Variants in DOCK6 observed in about 807,000 individuals in gnomAD.
DOCK6 encodes the protein dedicator of cytokinesis 6, also known as dedicator of cytokinesis protein 6.
Under a neutral mutation model 230.3 loss-of-function variants are expected in DOCK6, and 167 were observed. That is an observed-to-expected ratio of 0.73 (90% CI 0.64 to 0.82). DOCK6 has a LOEUF of 0.82. Ranked by LOEUF, DOCK6 falls within the 40% of genes least tolerant of loss-of-function variation. The pLI, the probability that DOCK6 is intolerant of heterozygous loss-of-function variation, is 0.00. For synonymous variants in DOCK6, 1,148 were observed against 1,185.0 expected (o/e 0.97, Z 0.64); for missense variants, 2,598 against 2,825.8 (o/e 0.92, Z 1.83).
chr19:11,222,334 GA>G lies in DOCK6; in HGVS notation c.3241-87del. 1 of 1,493,632 alleles carries G rather than the reference GA, an allele frequency of 6.7e-7. No homozygotes were observed. The highest frequency in any genetic ancestry group is 9.0e-7 in the Non-Finnish European group (1 of 1,105,682). 92.5% of individuals were successfully genotyped at this position (1,493,632 alleles called of 1,614,324 possible). ...CATTAAAGCCATCTTGGAGGTGACA[GA>G]AATCATGGTGCCAATAGCCACAGAT... On this transcript the variant is annotated intron_variant, in intron 26 of 47. Coordinates refer to ENST00000294618, the MANE Select transcript of DOCK6 (RefSeq NM_020812.4). This position sits in a 1 kb window ranked among gnomAD's most constrained non-coding sequence, Gnocchi z 4.0.
intron 24 of DOCK6, among the ~76,000 whole-genome samples, 176 bp from the exon 25 acceptor site, chr19:11,223,282 T>G (rs988403987): frequency 2.6e-5 from 4 of 152,074 alleles, no homozygotes; most frequent in African/African-American, 9.7e-5. Flanking sequence ...TGCCTTCCCC[T>G]CCCATGCTCC....
In DOCK6 at chr19:11,212,040, A is replaced by T; in HGVS notation, c.4603T>A (p.Tyr1535Asn). 1 of 1,610,540 alleles carries T rather than the reference A, an allele frequency of 6.2e-7. No individual in the cohort carries two copies. Residue 1535 changes from tyrosine to asparagine, a missense_variant, in exon 36 of 48, where the codon TAT becomes AAT. By Grantham distance (143) the Tyr-to-Asn change is moderately radical. Transcript: ENST00000294618. ...LRRSLKTILT[Y>N]AEEDMGLRDS... ...CGCAGCCCCATGTCCTCCTCAGCAT[A>T]GGTGAGGATGGTTTTGAGTGAACGT...
intron 47 of DOCK6, 102 bp from the exon 48 acceptor site, chr19:11,199,641 G>A: frequency 7.9e-7 from 1 of 1,272,916 alleles, no homozygotes; most frequent in East Asian, 2.5e-5. Flanking sequence ...CTTCCTCCAA[G>A]GATCCTTCTG....
chr19:11,214,942 AT>A (rs141146699), intron 32 of DOCK6, among the ~76,000 whole-genome samples: 2,477 of 127,066 alleles, frequency 0.019, 39 homozygotes, highest in African/African-American at 0.048. Flanking sequence ...TGCCTGGCTA[AT>A]TTTTTTTTTT....
chr19:11,261,555 T>C (rs533183180), intron 1 of DOCK6, among the ~76,000 whole-genome samples: 26 of 152,302 alleles, frequency 1.7e-4, no homozygotes, highest in African/African-American at 6.3e-4. Flanking sequence ...CCTGAGCTTC[T>C]GAACGCACCC....
rs749201050 is a variant in DOCK6, at chr19:11,200,723, A to G, written c.5932T>C (p.Cys1978Arg). ...NKLRLCFKDF[C>R]KKCEDALRKN... ...GGGGGGTTTTGCGCCTACTTCTTGCAGAAGTCCTTGAAGCAGAGCCGCAAT... is the reference window on the plus strand; with the variant it reads ...GGGGGGTTTTGCGCCTACTTCTTGCGGAAGTCCTTGAAGCAGAGCCGCAAT... The change falls in exon 46 of 48, where the codon TGC becomes CGC. Residue 1978 changes from cysteine (C) to arginine (R), a missense_variant. Transcript: ENST00000294618. The surrounding 1 kb of genome is among the most constrained non-coding windows in gnomAD (Gnocchi z 4.3). 2.5e-6 allele frequency: 4 copies of G among 1,612,732 alleles called. No homozygotes were observed. The East Asian group carries it at 6.7e-5, about 27-fold the overall frequency.
rs1325579276 is a variant in DOCK6, at chr19:11,215,816, C to A, written c.4006G>T (p.Val1336Phe). 6.2e-7 allele frequency: 1 copy of A among 1,613,990 alleles called. No homozygotes were observed. The highest frequency in any genetic ancestry group is 1.7e-5 in the Admixed American group (1 of 60,018). Residue 1336 changes from valine (V) to phenylalanine (F), a missense_variant, in exon 31 of 48, where the codon GTT (valine) becomes TTT (phenylalanine). By Grantham distance (50) the Val-to-Phe change is conservative. Transcript: ENST00000294618. ...LGTIGARQEM[V>F]RRSRERSPFG... is the part of the protein sequence containing the mutation. ...ACCCTCTTACCACGACTTCGCCGAACCATTTCTTGTCGAGCTCCGATGGTA... is the reference window on the plus strand; with the variant it reads ...ACCCTCTTACCACGACTTCGCCGAAACATTTCTTGTCGAGCTCCGATGGTA...
chr19:11,217,236 G>T lies in DOCK6; in HGVS notation c.3706C>A (p.Pro1236Thr). ...GSRASISQGP[P>T]TASRAGCALS... The stretch of plus-strand genomic sequence containing the variant: ...GGACAAGCCTCCCTACTCACCGTTG[G>T]TGGCCCCTGGGAGATGCTGGCCCGG... The change falls in exon 29 of 48, where the codon CCA becomes ACA. Residue 1236 changes from proline (P) to threonine (T), a missense_variant. Pro to Thr is a conservative substitution (Grantham distance 38). Coordinates refer to ENST00000294618, the MANE Select transcript of DOCK6 (RefSeq NM_020812.4). The T allele has an allele frequency of 1.2e-6, 2 of 1,612,160 alleles. No homozygotes were observed. The highest frequency in any genetic ancestry group is 1.7e-6 in the Non-Finnish European group (2 of 1,179,136).
At position 11,243,639 on chromosome 19, in the gene DOCK6, C is replaced by T. The variant is rs771557392; in HGVS notation, c.1176G>A (p.Met392Ile). ...QFCTRLGRYR[M>I]PFAWTAVHLA... ...AGTGCACGGCCGTCCAGGCGAAGGG[C>T]ATGCGGTAGCGGCCCAGGCGGGTGC... Residue 392 changes from methionine to isoleucine, a missense_variant, in exon 11 of 48, where the codon ATG becomes ATA. Physicochemically the swap from Met to Ile is conservative, Grantham distance 10. Transcript: ENST00000294618. The surrounding 1 kb of genome is among the most constrained non-coding windows in gnomAD (Gnocchi z 6.3). 1 of 1,612,742 alleles carries T rather than the reference C, an allele frequency of 6.2e-7. No homozygotes were observed. The highest frequency in any genetic ancestry group is 8.5e-7 in the Non-Finnish European group (1 of 1,179,714).
intron 39 of DOCK6, among the ~76,000 whole-genome samples, chr19:11,207,230 G>C (rs562804444): frequency 1.3e-5 from 2 of 152,200 alleles, no homozygotes; most frequent in Admixed American, 6.5e-5. Context: ...GTTTCACTCT[G>C]TCACATAGGT....
At chr19:11,229,486 G>T in intron 22 of DOCK6, 1 of 511,394 alleles carries the variant, frequency 2.0e-6, no homozygotes, top group Non-Finnish European at 2.5e-6. Flanking sequence ...ACAGGGATGG[G>T]GAAAAGAGGT....
At chr19:11,251,113 G>A in intron 5 of DOCK6, 27 bp from the exon 6 acceptor site, 3 of 1,588,188 alleles carry the variant, frequency 1.9e-6, no homozygotes, top group Non-Finnish European at 2.6e-6. Flanking sequence ...TGCAAGCACT[G>A]AGTGCCAGCT....
At chr19:11,256,318 G>C (rs1274188185) in intron 1 of DOCK6, among the ~76,000 whole-genome samples, 1 of 152,224 alleles carries the variant, frequency 6.6e-6, no homozygotes, top group African/African-American at 2.4e-5. Context: ...TTCTGCAGCT[G>C]CTGCTCCAGA....
chr19:11,248,232 C>A, intron 6 of DOCK6, 81 bp from the exon 7 acceptor site: 3 of 1,049,352 alleles, frequency 2.9e-6, no homozygotes, highest in Non-Finnish European at 4.2e-6. Flanking sequence ...CAGCCTCAGA[C>A]CAGCTCTACC....
intron 24 of DOCK6, among the ~76,000 whole-genome samples, chr19:11,225,280 G>A (rs1251354834): frequency 1.3e-5 from 2 of 152,148 alleles, no homozygotes; most frequent in African/African-American, 4.8e-5. Context: ...TCTCTTTCTT[G>A]GGGTAGTTTC....
rs1283215645 is a variant in DOCK6 at position 11,215,277 on chromosome 19, G to T, written c.4106+110C>A. On this transcript the variant is annotated intron_variant, in intron 32 of 47. Coordinates refer to ENST00000294618, the MANE Select transcript of DOCK6 (RefSeq NM_020812.4). ...CTAATTTTTAAATTTTTGGTAGAGAGGGTCTTACTATGTTGCCCAGGCTGG... is the reference window on the plus strand; with the variant it reads ...CTAATTTTTAAATTTTTGGTAGAGATGGTCTTACTATGTTGCCCAGGCTGG... The T allele has an allele frequency of 1.7e-5, 16 of 940,774 alleles. No homozygotes were observed. In the Admixed American group the frequency reaches 3.5e-4, roughly 21 times the overall value. The allele number at this position is 940,774 out of a possible 1,614,324, so 58.3% of individuals were successfully genotyped here. A position where few individuals can be genotyped will look rare whatever the true frequency, so the allele number is the denominator to read the frequency against.
At chr19:11,233,711 C>T (rs745369885) in intron 21 of DOCK6, among the ~76,000 whole-genome samples, 10 of 152,056 alleles carry the variant, frequency 6.6e-5, no homozygotes, top group Non-Finnish European at 1.2e-4. Context: ...TGGCAGTGCG[C>T]GCCTGTGGTT....
At chr19:11,227,516 G>T in intron 23 of DOCK6, 39 bp from the exon 24 acceptor site, 1 of 1,544,234 alleles carries the variant, frequency 6.5e-7, no homozygotes, top group Non-Finnish European at 8.7e-7. Context: ...GGGATTTGAA[G>T]GGCTGTGGGT....
intron 7 of DOCK6, 74 bp downstream of exon 7, chr19:11,247,992 T>C (rs1359086281): frequency 2.3e-6 from 3 of 1,279,154 alleles, no homozygotes; most frequent in Admixed American, 3.9e-5. Flanking sequence ...GCACTACTCA[T>C]GTAGTGTGTA....
Sources: gnomAD v4.1 joint callset for allele counts (sites outside exome capture counted in the v4.1 genomes callset) on GRCh38, gnomAD v4.1.1 for gene constraint, Gnocchi (gnomAD v3.1) non-coding constraint, MANE v1.5 for transcripts, NCBI Gene and HGNC (gene_info 2026-07-23, HGNC 2026-07-21) for gene names.